Variants in UTP25 observed in about 807,000 individuals in gnomAD.
The protein encoded by UTP25 is U3 small nucleolar RNA-associated protein 25 homolog.
A neutral mutation model predicts 78.9 loss-of-function variants in UTP25; 50 were observed. The observed-to-expected ratio is 0.63, with a 90% confidence interval of 0.50 to 0.80. UTP25 has a LOEUF of 0.80. Among genes scored for constraint, UTP25 ranks in the 30% least tolerant of loss-of-function variants. UTP25 has a pLI of 0.00. For synonymous variants in UTP25, 329 were observed against 336.5 expected, an observed-to-expected ratio of 0.98 and a Z score of 0.24; for missense variants, 846 against 911.3, an observed-to-expected ratio of 0.93 and a Z score of 0.92.
intron 11 of UTP25, among the ~76,000 whole-genome samples, chr1:209,845,210 C>T (rs1036898365): frequency 6.6e-6 from 1 of 152,204 alleles, no homozygotes; most frequent in African/African-American, 2.4e-5. Context: ...ATTTGTGTTT[C>T]CCAGGCTCCA....
intron 1 of UTP25, 53 bp from the exon 2 acceptor site, chr1:209,830,055 C>T (rs1311963177): frequency 1.3e-6 from 2 of 1,506,966 alleles, no homozygotes; most frequent in Non-Finnish European, 9.1e-7. Context: ...TTGACCTTTT[C>T]CTAATTTCTA....
At chr1:209,848,453 G>T (rs11809670) in intron 11 of UTP25, among the ~76,000 whole-genome samples, 1 of 152,058 alleles carries the variant, frequency 6.6e-6, no homozygotes, top group Admixed American at 6.5e-5. Flanking sequence ...CTTCCTTTTA[G>T]TGGGCATATA....
intron 11 of UTP25, among the ~76,000 whole-genome samples, chr1:209,846,636 T>C (rs1042402653): frequency 2.0e-5 from 3 of 152,208 alleles, no homozygotes; most frequent in African/African-American, 7.2e-5. Flanking sequence ...TGGAAGGTAC[T>C]GTAAGGGTGA....
In UTP25 at chr1:209,830,101, T is replaced by C; in HGVS notation, c.108-7T>C. 1.9e-6 allele frequency: 3 copies of C among 1,611,938 alleles called. No individual in the cohort carries two copies. Among genetic ancestry groups the C allele is most frequent in the Non-Finnish European group, 2.5e-6 (3 of 1,178,680 alleles). On this transcript the variant is annotated splice_region_variant and splice_polypyrimidine_tract_variant and intron_variant, in intron 1 of 11. Transcript: ENST00000491415. ...GTTAGAATGTAACATTGCCTGTTTCTTTTTAGGGTTTCCAGAAAGGAAGCA... is the reference window on the plus strand; with the variant it reads ...GTTAGAATGTAACATTGCCTGTTTCCTTTTAGGGTTTCCAGAAAGGAAGCA...
intron 5 of UTP25, 133 bp from the exon 6 acceptor site, chr1:209,836,668 C>A: frequency 1.1e-6 from 1 of 944,330 alleles, no homozygotes; most frequent in Non-Finnish European, 1.6e-6. Context: ...ATGGTAACTA[C>A]CTTGCAGGGC....
Position 209,837,025 on chromosome 1 carries a change from G to T in UTP25, c.876G>T (p.Leu292=). ...LFLIMNSYRD[L]FYPERTALKN... ...TAATTATGAATTCTTACCGGGACCT[G>T]TTCTACCCGGAAAGGACTGCTCTGA... Residue 292 remains leucine, a synonymous_variant, in exon 6 of 12, where the codon CTG becomes CTT. Coordinates refer to ENST00000491415, the MANE Select transcript of UTP25 (RefSeq NM_014388.7). 5 of 1,614,138 alleles carry T rather than the reference G, an allele frequency of 3.1e-6. No homozygotes were observed. Among genetic ancestry groups the T allele is most frequent in the Non-Finnish European group, 4.2e-6 (5 of 1,180,022 alleles).
Position 209,855,944 on chromosome 1 carries a change from CCTCA to C in UTP25, c.*4500_*4503del, listed in dbSNP as rs944397925. 2 of 152,512 alleles carry C rather than the reference CCTCA, an allele frequency of 1.3e-5. No homozygotes were observed. 9.4% of individuals were successfully genotyped at this position (152,512 alleles called of 1,614,324 possible). On this transcript the variant is annotated 3_prime_UTR_variant, in exon 12 of 12. Coordinates refer to ENST00000491415, the MANE Select transcript of UTP25 (RefSeq NM_014388.7). ...TGCCCCAGTGCCCTGCCACCTTCGTCCTCACTGACCTCTGCAGCCTCTCTCATCT... is the reference window on the plus strand; with the variant it reads ...TGCCCCAGTGCCCTGCCACCTTCGTCCTGACCTCTGCAGCCTCTCTCATCT...
chr1:209,837,577 C>A (rs1287381670), intron 6 of UTP25, among the ~76,000 whole-genome samples: 1 of 152,176 alleles, frequency 6.6e-6, no homozygotes, highest in African/African-American at 2.4e-5. Flanking sequence ...CAGCTGTGGA[C>A]AACCCCAAAT....
At chr1:209,830,753 C>T in intron 2 of UTP25, 50 bp from the exon 3 acceptor site, 1 of 1,582,182 alleles carries the variant, frequency 6.3e-7, no homozygotes. Flanking sequence ...TTTAGGGTAA[C>T]AATAAGAACA....
At position 209,854,341 on chromosome 1, in the gene UTP25, T is replaced by C. The variant is rs1329272446; in HGVS notation, c.*2894T>C. ...TTTCTTTTTGAGAGAGAAAAAGCTT[T>C]GAATCGTGGATGCTTCTCACAGCTG... is the stretch of plus-strand genomic sequence containing the variant. On this transcript the variant is annotated 3_prime_UTR_variant, in exon 12 of 12. Coordinates refer to ENST00000491415, the MANE Select transcript of UTP25 (RefSeq NM_014388.7). The C allele has an allele frequency of 6.6e-6, 1 of 152,208 alleles. No individual in the cohort carries two copies. Among genetic ancestry groups the C allele is most frequent in the East Asian group, 1.9e-4 (1 of 5,200 alleles). 9.4% of individuals were successfully genotyped at this position (152,208 alleles called of 1,614,324 possible).
intron 10 of UTP25, 56 bp downstream of exon 10, chr1:209,842,751 G>A (rs2078175217): frequency 1.5e-6 from 2 of 1,336,028 alleles, no homozygotes; most frequent in Non-Finnish European, 2.1e-6. Flanking sequence ...TTTGACTTGG[G>A]CATACAAACC....
intron 11 of UTP25, among the ~76,000 whole-genome samples, chr1:209,845,350 C>G (rs1269428745): frequency 1.3e-5 from 2 of 152,186 alleles, no homozygotes; most frequent in African/African-American, 4.8e-5. Flanking sequence ...GGGGAAGTTG[C>G]ACTCATCAGG....
Position 209,833,345 on chromosome 1 carries a change from G to A in UTP25, c.549G>A (p.Leu183=). The change falls in exon 4 of 12, where the codon TTG becomes TTA. Residue 183 remains leucine, a synonymous_variant. Coordinates refer to ENST00000491415, the MANE Select transcript of UTP25 (RefSeq NM_014388.7). The part of the protein sequence containing the change: ...LEEESGDNSS[L]KASQDPFLQH... Reference sequence around the variant, plus strand: ...AGGAAAGTGGAGACAACTCTTCTTTGAAAGCCTCTCAAGGTCATAGCACAG... The same window carrying A: ...AGGAAAGTGGAGACAACTCTTCTTTAAAAGCCTCTCAAGGTCATAGCACAG... The A allele has an allele frequency of 6.4e-7, 1 of 1,574,606 alleles. No individual in the cohort carries two copies. The highest frequency in any genetic ancestry group is 8.6e-7 in the Non-Finnish European group (1 of 1,164,220).
chr1:209,843,990 CAAAT>C (rs3028165), intron 11 of UTP25: 45,813 of 322,654 alleles, frequency 0.14, 3,679 homozygotes, highest in South Asian at 0.19. Context: ...CAGGACAACT[CAAAT>C]GAATACAAGG....
chr1:209,828,495 C>T (rs2078083353), intron 1 of UTP25, among the ~76,000 whole-genome samples: 1 of 149,720 alleles, frequency 6.7e-6, no homozygotes. Flanking sequence ...TGTCTCCTCC[C>T]GGGTTCAAGC....
At chr1:209,832,704 G>C (rs10127618) in intron 3 of UTP25, among the ~76,000 whole-genome samples, 9 of 152,056 alleles carry the variant, frequency 5.9e-5, no homozygotes, top group Admixed American at 5.2e-4. Flanking sequence ...CCAACATGGC[G>C]AAACCCCATC....
rs2078273051 is a variant in UTP25, at chr1:209,856,023, T to G, written c.*4576T>G. The G allele has an allele frequency of 6.6e-6, 1 of 152,308 alleles. No homozygotes were observed. The highest frequency in any genetic ancestry group is 2.4e-5 in the African/African-American group (1 of 41,470). The allele number at this position is 152,308 out of a possible 1,614,324, so 9.4% of individuals were successfully genotyped here. Reference sequence around the variant, plus strand: ...GGTGGCCCTGGGCTCACAGCTGGTGTTTGTCCACAGATGTTCATGGGTTTC... The same window carrying G: ...GGTGGCCCTGGGCTCACAGCTGGTGGTTGTCCACAGATGTTCATGGGTTTC... On this transcript the variant is annotated 3_prime_UTR_variant, in exon 12 of 12. Coordinates refer to ENST00000491415, the MANE Select transcript of UTP25 (RefSeq NM_014388.7).
At chr1:209,833,880 A>G (rs1572000854) in intron 4 of UTP25, among the ~76,000 whole-genome samples, 2 of 152,038 alleles carry the variant, frequency 1.3e-5, no homozygotes, top group African/African-American at 2.4e-5. Context: ...AGACGTGCCT[A>G]TGGCGGGCTT....
chr1:209,843,397 A>ACAC, intron 10 of UTP25, 54 bp from the exon 11 acceptor site: 1 of 1,595,760 alleles, frequency 6.3e-7, no homozygotes, highest in Non-Finnish European at 8.5e-7. Flanking sequence ...CAGTTAAGAG[A>ACAC]CACCATAAGC....
Sources: gnomAD v4.1 joint callset for allele counts (sites outside exome capture counted in the v4.1 genomes callset) on GRCh38, gnomAD v4.1.1 for gene constraint, MANE v1.5 for transcripts, NCBI Gene and HGNC (gene_info 2026-07-23, HGNC 2026-07-21) for gene names.